Variants in CTNNA3 observed in about 807,000 individuals in gnomAD.
CTNNA3 encodes the protein catenin alpha 3.
In CTNNA3, 76 loss-of-function variants were observed where a neutral mutation model predicts 95.7. That is an observed-to-expected ratio of 0.79 (90% confidence interval 0.66 to 0.96). CTNNA3 has a LOEUF of 0.96. CTNNA3 is among the 40% of genes least tolerant of loss of function. The pLI is 0.00. For missense variants in CTNNA3, 1,191 were observed against 1,089.8 expected (o/e 1.09, Z -1.31); for synonymous variants, 431 against 374.4 (o/e 1.15, Z -1.74).
intron 3 of CTNNA3, among the ~76,000 whole-genome samples, chr10:67,540,451 C>G (rs1840646702): frequency 6.6e-6 from 1 of 151,822 alleles, no homozygotes; most frequent in Admixed American, 6.6e-5. Context: ...ATTTACCACA[C>G]TAAAGAACAT....
intron 6 of CTNNA3, among the ~76,000 whole-genome samples, chr10:67,182,707 G>A (rs985856447): frequency 6.6e-6 from 1 of 152,160 alleles, no homozygotes; most frequent in African/African-American, 2.4e-5. Context: ...TTAAACTAAA[G>A]AGCTTCTGCA....
chr10:67,502,420 G>A (rs1436783088), intron 5 of CTNNA3, among the ~76,000 whole-genome samples: 2 of 152,224 alleles, frequency 1.3e-5, no homozygotes, highest in African/African-American at 2.4e-5. Flanking sequence ...CTGCTGGGAA[G>A]TGTCTCCCAG....
chr10:67,122,258 T>A (rs887786673), intron 7 of CTNNA3, among the ~76,000 whole-genome samples: 5 of 151,990 alleles, frequency 3.3e-5, no homozygotes, highest in South Asian at 2.1e-4. Context: ...TTCATTTTTT[T>A]AAAAAAAGGT....
chr10:67,568,368 A>G (rs555968965), intron 3 of CTNNA3, among the ~76,000 whole-genome samples: 1 of 152,068 alleles, frequency 6.6e-6, no homozygotes, highest in Admixed American at 6.6e-5. Flanking sequence ...CTATCAGTAT[A>G]CTTAGGTACT....
chr10:67,161,098 G>A (rs1861523810), intron 7 of CTNNA3, among the ~76,000 whole-genome samples: 1 of 152,062 alleles, frequency 6.6e-6, no homozygotes, highest in African/African-American at 2.4e-5. Context: ...TAGTTATAGA[G>A]ATATGTTGTC....
intron 4 of CTNNA3, among the ~76,000 whole-genome samples, chr10:67,532,933 T>A (rs1449680800): frequency 6.6e-6 from 1 of 152,182 alleles, no homozygotes; most frequent in Non-Finnish European, 1.5e-5. Context: ...AAGGTCTCCA[T>A]GCTGCCAAAA....
intron 7 of CTNNA3, among the ~76,000 whole-genome samples, chr10:66,828,187 TTACA>T (rs1842584331): frequency 6.6e-6 from 1 of 152,184 alleles, no homozygotes; most frequent in African/African-American, 2.4e-5. Flanking sequence ...GTAAAAATTA[TTACA>T]TAAACACAAT....
At position 66,629,879 on chromosome 10, in the gene CTNNA3, T is replaced by C. The variant is rs184568497; in HGVS notation, c.1282-8095A>G. On this transcript the variant is annotated intron_variant, in intron 9 of 17. Transcript: ENST00000433211. ...ACTTGCTTAACTGCTATCCATCAGA[T>C]CTCTGCTCAAAAGTAATTCCTTGGA... is the stretch of plus-strand genomic sequence containing the variant. Among the ~76,000 whole-genome samples the C allele has an allele frequency of 3.9e-5, 6 of 152,238 alleles. No individual in the cohort carries two copies. In the East Asian group the frequency reaches 1.2e-3, roughly 30 times the overall value.
chr10:66,133,811 C>T (rs955703984), intron 13 of CTNNA3, among the ~76,000 whole-genome samples: 2 of 152,204 alleles, frequency 1.3e-5, no homozygotes, highest in Admixed American at 6.5e-5. Context: ...GTTAGGAAAA[C>T]TGTATACTCA....
chr10:66,028,756 G>C (rs1424905282), intron 15 of CTNNA3, among the ~76,000 whole-genome samples: 2 of 151,838 alleles, frequency 1.3e-5, no homozygotes, highest in Admixed American at 1.3e-4. Flanking sequence ...TAAAAAAAAG[G>C]GAAAATGACT....
chr10:66,291,112 G>A (rs957378724), intron 12 of CTNNA3, among the ~76,000 whole-genome samples: 1 of 152,080 alleles, frequency 6.6e-6, no homozygotes. Flanking sequence ...TGATTTACAC[G>A]TGTGAAAGCA....
intron 5 of CTNNA3, among the ~76,000 whole-genome samples, chr10:67,388,299 A>G (rs1170337643): frequency 7.2e-6 from 1 of 138,048 alleles, no homozygotes; most frequent in Non-Finnish European, 1.5e-5. Flanking sequence ...CAACTGGAAG[A>G]AAGGGTATCA....
intron 7 of CTNNA3, among the ~76,000 whole-genome samples, chr10:67,112,672 G>A (rs1235613558): frequency 6.7e-6 from 1 of 149,828 alleles, no homozygotes; most frequent in African/African-American, 2.5e-5. Flanking sequence ...TCCCTTGAAT[G>A]TTCCAGTTCT....
At chr10:66,848,625 C>A (rs183414135) in intron 7 of CTNNA3, among the ~76,000 whole-genome samples, 165 of 152,220 alleles carry the variant, frequency 1.1e-3, no homozygotes, top group African/African-American at 3.4e-3. Context: ...ACCTTATGAG[C>A]TTATACAGAA....
chr10:66,584,583 G>C (rs574731218), intron 10 of CTNNA3, among the ~76,000 whole-genome samples: 1 of 151,814 alleles, frequency 6.6e-6, no homozygotes, highest in South Asian at 2.1e-4. Context: ...TTACATGTGA[G>C]GTATGTCTTC....
intron 7 of CTNNA3, among the ~76,000 whole-genome samples, chr10:66,836,891 G>A (rs1278687143): frequency 8.6e-5 from 13 of 151,770 alleles, no homozygotes; most frequent in Admixed American, 6.6e-5. Flanking sequence ...TTACCCCCAC[G>A]TATCATTTTT....
intron 7 of CTNNA3, among the ~76,000 whole-genome samples, chr10:66,905,507 C>T (rs1181797288): frequency 3.9e-5 from 6 of 152,102 alleles, no homozygotes; most frequent in African/African-American, 1.4e-4. Context: ...TGCCCTAGAA[C>T]TTAAAGCATA....
chr10:66,431,981 G>A (rs1589241079), intron 11 of CTNNA3, among the ~76,000 whole-genome samples: 1 of 151,880 alleles, frequency 6.6e-6, no homozygotes, highest in African/African-American at 2.4e-5. Flanking sequence ...GTTAGAGCAA[G>A]GATGTAGAAA....
chr10:67,620,411 A>G (rs1727137563), intron 2 of CTNNA3, among the ~76,000 whole-genome samples: 1 of 152,148 alleles, frequency 6.6e-6, no homozygotes, highest in Non-Finnish European at 1.5e-5. Context: ...AAATCATATA[A>G]GCAACACCCT....
Sources: gnomAD v4.1 joint callset for allele counts (sites outside exome capture counted in the v4.1 genomes callset) on GRCh38, gnomAD v4.1.1 for gene constraint, MANE v1.5 for transcripts, NCBI Gene and HGNC (gene_info 2026-07-23, HGNC 2026-07-21) for gene names.